ERG: variants seen among roughly 807,000 people sequenced by gnomAD.
ERG encodes the protein ETS transcription factor ERG.
Under a neutral mutation model 55.3 loss-of-function variants are expected in ERG, and 9 were observed. The observed-to-expected ratio is 0.16, with a 90% CI of 0.10 to 0.28. The LOEUF (loss-of-function observed/expected upper bound fraction) is 0.28, where lower values mean the gene tolerates loss of function less well. ERG is among the 10% of genes least tolerant of loss of function. ERG has a pLI of 1.00. For missense variants in ERG, 434 were observed against 631.6 expected (o/e 0.69, Z 3.35); for synonymous variants, 223 against 237.3 (o/e 0.94, Z 0.55).
At chr21:38,539,809 A>G in intron 2 of ERG, among the ~76,000 whole-genome samples, 1 of 151,704 alleles carries the variant, frequency 6.6e-6, no homozygotes, top group Admixed American at 6.6e-5. Context: ...CTCTGACCCC[A>G]GGTTGGCGTC....
At chr21:38,479,541 G>A (rs1242889331) in intron 1 of ERG, among the ~76,000 whole-genome samples, 18 of 152,164 alleles carry the variant, frequency 1.2e-4, no homozygotes, top group Admixed American at 1.2e-3. Flanking sequence ...AGGCTGAGCA[G>A]GACACACAGA....
At chr21:38,522,413 T>C (rs1026843893) in intron 2 of ERG, among the ~76,000 whole-genome samples, 1 of 152,182 alleles carries the variant, frequency 6.6e-6, no homozygotes, top group African/African-American at 2.4e-5. Flanking sequence ...TTGATTATAT[T>C]GGTATTGCAA....
downstream of ERG, among the ~76,000 whole-genome samples, chr21:38,376,576 C>G (rs1388049001): frequency 2.0e-5 from 3 of 152,250 alleles, no homozygotes; most frequent in African/African-American, 7.2e-5. Context: ...TTTCATCCAC[C>G]TGACTCCCGA....
intron 5 of ERG, among the ~76,000 whole-genome samples, chr21:38,402,201 C>T (rs1364991088): frequency 3.9e-5 from 6 of 152,098 alleles, no homozygotes; most frequent in South Asian, 2.1e-4. Context: ...CCTTTTATAT[C>T]GAACATGCTT....
At chr21:38,602,094 A>G (rs1335145841) in intron 1 of ERG, among the ~76,000 whole-genome samples, 1 of 152,146 alleles carries the variant, frequency 6.6e-6, no homozygotes, top group East Asian at 1.9e-4. Context: ...TGCTTCTCTA[A>G]TGCATCTCAG....
chr21:38,645,091 G>A (rs768663701), intron 1 of ERG, among the ~76,000 whole-genome samples: 30 of 152,284 alleles, frequency 2.0e-4, no homozygotes, highest in Admixed American at 3.9e-4. Context: ...TGTGGGAGAT[G>A]GAGGCTGCAG....
upstream of ERG, among the ~76,000 whole-genome samples, chr21:38,585,529 C>CTTTTTT (rs1568931635): frequency 4.4e-5 from 1 of 22,684 alleles, no homozygotes; most frequent in Non-Finnish European, 1.1e-4. Flanking sequence ...CCCTCTCTCT[C>CTTTTTT]TTCTTTTTTT....
chr21:38,497,476 T>C (rs139269282), intron 1 of ERG, among the ~76,000 whole-genome samples: 3 of 152,276 alleles, frequency 2.0e-5, no homozygotes, highest in African/African-American at 7.2e-5. Flanking sequence ...ATGGTGGCCT[T>C]TAAAACAACT....
chr21:38,634,179 C>A (rs2146961109), intron 1 of ERG, among the ~76,000 whole-genome samples: 1 of 152,258 alleles, frequency 6.6e-6, no homozygotes, highest in South Asian at 2.1e-4. Flanking sequence ...GAAGATAAGT[C>A]AAATATTCAT....
At chr21:38,385,115 T>C (rs1166646460) in intron 9 of ERG, among the ~76,000 whole-genome samples, 1 of 152,218 alleles carries the variant, frequency 6.6e-6, no homozygotes, top group Non-Finnish European at 1.5e-5. Flanking sequence ...CTTTGTTTTA[T>C]GAAATTCAAA....
intron 6 of ERG, among the ~76,000 whole-genome samples, chr21:38,393,716 G>A (rs889639856): frequency 4.6e-5 from 7 of 152,142 alleles, no homozygotes; most frequent in South Asian, 2.1e-4. Flanking sequence ...GAAATGATGC[G>A]CAACGTGAAA....
intron 1 of ERG, among the ~76,000 whole-genome samples, chr21:38,447,353 T>C (rs906831147): frequency 5.3e-5 from 8 of 151,518 alleles, no homozygotes; most frequent in Non-Finnish European, 1.2e-4. Flanking sequence ...TGGGAAAGAC[T>C]AAGCCTGCTG....
intron 1 of ERG, chr21:38,471,823 G>A (rs1374061111): frequency 6.6e-6 from 1 of 152,144 alleles, no homozygotes; most frequent in Non-Finnish European, 1.5e-5. Flanking sequence ...CTAATTACAC[G>A]TGAAAATACT....
chr21:38,429,608 CAT>C lies in ERG; in HGVS notation c.237-6049_237-6048del, dbSNP rs1368061072. ...ATATGTGTATATGTACATGTATACA[CAT>C]GTACATATATACATATGTGTATATA... On this transcript the variant is annotated intron_variant, in intron 2 of 9. Transcript: ENST00000288319. Among the ~76,000 whole-genome samples, 2 of 145,624 alleles carry C rather than the reference CAT, an allele frequency of 1.4e-5. 1 individual carries two copies. Among genetic ancestry groups the C allele is most frequent in the Non-Finnish European group, 3.0e-5 (2 of 66,394 alleles).
At chr21:38,425,705 G>C (rs572380925) in intron 2 of ERG, among the ~76,000 whole-genome samples, 1 of 152,252 alleles carries the variant, frequency 6.6e-6, no homozygotes, top group Non-Finnish European at 1.5e-5. Context: ...TGGGATCCAC[G>C]CCAATGAAGC....
At chr21:38,384,888 T>C (rs1471425357) in intron 9 of ERG, among the ~76,000 whole-genome samples, 3 of 150,726 alleles carry the variant, frequency 2.0e-5, no homozygotes, top group Non-Finnish European at 4.4e-5. Context: ...AGTTCCAGTA[T>C]TTGGGCAAGC....
At chr21:38,398,978 T>C (rs1031137310) in intron 6 of ERG, among the ~76,000 whole-genome samples, 1 of 152,232 alleles carries the variant, frequency 6.6e-6, no homozygotes, top group Non-Finnish European at 1.5e-5. Context: ...GTTTTTATTT[T>C]TTTAGTTTAT....
At chr21:38,561,095 G>C (rs899855734) in intron 2 of ERG, among the ~76,000 whole-genome samples, 1 of 151,724 alleles carries the variant, frequency 6.6e-6, no homozygotes, top group African/African-American at 2.4e-5. Flanking sequence ...CTAACCTAAG[G>C]GTTATGTTGT....
intron 1 of ERG, among the ~76,000 whole-genome samples, chr21:38,446,133 C>A (rs1429992397): frequency 7.1e-6 from 1 of 140,856 alleles, no homozygotes; most frequent in South Asian, 2.3e-4. Context: ...GGCAACCAAC[C>A]AAAGATACAA....
Sources: gnomAD v4.1 joint callset for allele counts (sites outside exome capture counted in the v4.1 genomes callset) on GRCh38, gnomAD v4.1.1 for gene constraint, MANE v1.5 for transcripts, NCBI Gene and HGNC (gene_info 2026-07-23, HGNC 2026-07-21) for gene names.